RFTN1: variants seen among roughly 807,000 people sequenced by gnomAD.
RFTN1 encodes the protein raftlin, lipid raft linker 1.
A neutral mutation model predicts 46.5 loss-of-function variants in RFTN1; 26 were observed. That is an observed-to-expected ratio of 0.56 (90% CI 0.41 to 0.78). The LOEUF (loss-of-function observed/expected upper bound fraction) is 0.78. RFTN1 is among the 30% of genes least tolerant of loss of function. The pLI is 0.00. For synonymous variants in RFTN1, 261 were observed against 284.2 expected (o/e 0.92, Z 0.82); for missense variants, 693 against 718.7 (o/e 0.96, Z 0.41).
rs1236014870 is a variant in RFTN1 at position 16,358,011 on chromosome 3, A to G, written c.1067T>C (p.Phe356Ser). ...LHGLTDGVFI[F>S]EAVSTEDSKT... ...GCTATCTTCTGTGGAAACAGCTTCA[A>G]AGATGAATACTCCATCTGTCAAGCC... Residue 356 changes from phenylalanine to serine, a missense_variant, in exon 7 of 10, where the codon TTT becomes TCT. Physicochemically the swap from Phe to Ser is radical, Grantham distance 155. Transcript: ENST00000334133. 2 of 1,612,282 alleles carry G rather than the reference A, an allele frequency of 1.2e-6. No homozygotes were observed. Among genetic ancestry groups the G allele is most frequent in the East Asian group, 2.2e-5 (1 of 44,820 alleles).
At chr3:16,391,508 T>A (rs1559317509) in intron 4 of RFTN1, among the ~76,000 whole-genome samples, 1 of 152,230 alleles carries the variant, frequency 6.6e-6, no homozygotes, top group African/African-American at 2.4e-5. Flanking sequence ...CAGAAGGCAA[T>A]GTTTATTTTT....
chr3:16,496,348 T>C (rs2076625977), intron 1 of RFTN1, among the ~76,000 whole-genome samples: 1 of 152,142 alleles, frequency 6.6e-6, no homozygotes, highest in Non-Finnish European at 1.5e-5. Flanking sequence ...AACAAAGGAC[T>C]CACATCCACC....
Position 16,425,860 on chromosome 3 carries a change from G to A in RFTN1, c.332+7991C>T, listed in dbSNP as rs150835957. Among the ~76,000 whole-genome samples, 587 of 152,212 alleles carry A rather than the reference G, an allele frequency of 3.9e-3. 5 individuals carry two copies. Among genetic ancestry groups the A allele is most frequent in the African/African-American group, 0.013 (544 of 41,536 alleles). On this transcript the variant is annotated intron_variant, in intron 3 of 9. Transcript: ENST00000334133. The surrounding 1 kb of genome is among the most constrained non-coding windows in gnomAD (Gnocchi z 4.3). ...TGCTGGACAGCTCCTCAGGGGGTAC[G>A]GTGGCAGCCCGGAGAGCTAATCAAA...
chr3:16,355,127 C>T (rs964691694), intron 7 of RFTN1, among the ~76,000 whole-genome samples: 4 of 152,204 alleles, frequency 2.6e-5, no homozygotes, highest in Admixed American at 2.0e-4. Flanking sequence ...GAGCCCTCAA[C>T]AGAATCACCC....
At chr3:16,487,423 A>G (rs1411239773) in intron 2 of RFTN1, among the ~76,000 whole-genome samples, 1 of 152,258 alleles carries the variant, frequency 6.6e-6, no homozygotes, top group Non-Finnish European at 1.5e-5. Flanking sequence ...GTGTTAAGCT[A>G]TAGAACTTTC....
chr3:16,507,972 A>C lies in RFTN1; in HGVS notation c.-9+5470T>G, dbSNP rs2076838224. On this transcript the variant is annotated intron_variant, in intron 1 of 9. Transcript: ENST00000334133. This position sits in a 1 kb window ranked among gnomAD's most constrained non-coding sequence, Gnocchi z 7.1. ...GGGACATTTCAGGTGTAAACGCCAGAGAAAGTTGTCAGTGAGGTGCATCTG... is the reference window on the plus strand; with the variant it reads ...GGGACATTTCAGGTGTAAACGCCAGCGAAAGTTGTCAGTGAGGTGCATCTG... Among the ~76,000 whole-genome samples the C allele has an allele frequency of 6.6e-6, 1 of 152,222 alleles. No homozygotes were observed. Among genetic ancestry groups the C allele is most frequent in the Non-Finnish European group, 1.5e-5 (1 of 68,038 alleles).
chr3:16,443,664 C>T lies in RFTN1; in HGVS notation c.146-9627G>A, dbSNP rs373782098. 3.3e-5 allele frequency among the ~76,000 whole-genome samples: 5 copies of T among 151,982 alleles called. No homozygotes were observed. Among genetic ancestry groups the T allele is most frequent in the Non-Finnish European group, 5.9e-5 (4 of 68,008 alleles). Reference sequence around the variant, plus strand: ...AATGACTGTTAAAGCATCAGGCTGTCGTGACAATGGGAGCGGGGAAGAGTT... The same window carrying T: ...AATGACTGTTAAAGCATCAGGCTGTTGTGACAATGGGAGCGGGGAAGAGTT... On this transcript the variant is annotated intron_variant, in intron 2 of 9. Transcript: ENST00000334133. This position sits in a 1 kb window ranked among gnomAD's most constrained non-coding sequence, Gnocchi z 5.5.
At chr3:16,432,152 C>T (rs182070016) in intron 3 of RFTN1, among the ~76,000 whole-genome samples, 2 of 152,292 alleles carry the variant, frequency 1.3e-5, no homozygotes, top group African/African-American at 4.8e-5. Flanking sequence ...GTCAGTGTCA[C>T]TCAAAACCAC....
intron 6 of RFTN1, among the ~76,000 whole-genome samples, chr3:16,359,926 A>G (rs2072717626): frequency 6.6e-6 from 1 of 152,164 alleles, no homozygotes; most frequent in Non-Finnish European, 1.5e-5. Context: ...AAAAAGACTG[A>G]CAAATGTGAA....
chr3:16,498,259 T>C lies in RFTN1; in HGVS notation c.-8-4382A>G, dbSNP rs754339971. ...AAGCCTAACTTAGGATGTAAACTTC[T>C]GTAACAAATAGCTGAGTCTTAGCCA... is the stretch of plus-strand genomic sequence containing the variant. On this transcript the variant is annotated intron_variant, in intron 1 of 9. Coordinates refer to ENST00000334133, the MANE Select transcript of RFTN1 (RefSeq NM_015150.2). The surrounding 1 kb of genome is among the most constrained non-coding windows in gnomAD (Gnocchi z 5.2). 1.3e-5 allele frequency among the ~76,000 whole-genome samples: 2 copies of C among 152,236 alleles called. No homozygotes were observed. The highest frequency in any genetic ancestry group is 2.9e-5 in the Non-Finnish European group (2 of 68,038).
At chr3:16,496,884 A>C (rs1041199838) in intron 1 of RFTN1, among the ~76,000 whole-genome samples, 1 of 152,224 alleles carries the variant, frequency 6.6e-6, no homozygotes, top group Non-Finnish European at 1.5e-5. Context: ...ATGAAATATT[A>C]TAAAGCAACG....
chr3:16,386,837 G>T (rs562955265), intron 4 of RFTN1, among the ~76,000 whole-genome samples: 31 of 152,298 alleles, frequency 2.0e-4, no homozygotes, highest in African/African-American at 6.7e-4. Flanking sequence ...TCATGGGAAA[G>T]GTCATAAGAG....
intron 2 of RFTN1, chr3:16,454,780 TCA>T: frequency 1.0e-6 from 1 of 985,398 alleles, no homozygotes; most frequent in Admixed American, 6.1e-5. Context: ...GCACTCACCA[TCA>T]CAGTTTTCTG....
rs568561513 is a variant in RFTN1, at chr3:16,442,412, A to G, written c.146-8375T>C. ...TCCCCGAGCCCTAGCAATCAATAAC[A>G]TGCTTTCACAAAAAAAAACTATTCT... On this transcript the variant is annotated intron_variant, in intron 2 of 9. Transcript: ENST00000334133. The surrounding 1 kb of genome is among the most constrained non-coding windows in gnomAD (Gnocchi z 4.1). Among the ~76,000 whole-genome samples, 147 of 152,186 alleles carry G rather than the reference A, an allele frequency of 9.7e-4. No homozygotes were observed. The highest frequency in any genetic ancestry group is 2.2e-3 in the Admixed American group (34 of 15,294).
chr3:16,321,665 C>G lies in RFTN1; in HGVS notation c.1332+1711G>C, dbSNP rs779719076. ...AGAACAAGTGCTCCACACCAGTCACCTACAGTCTTGGAATGAGGCAGGAAA... is the reference window on the plus strand; with the variant it reads ...AGAACAAGTGCTCCACACCAGTCACGTACAGTCTTGGAATGAGGCAGGAAA... On this transcript the variant is annotated intron_variant, in intron 9 of 9. Transcript: ENST00000334133. The surrounding 1 kb of genome is among the most constrained non-coding windows in gnomAD (Gnocchi z 4.8). Among the ~76,000 whole-genome samples, 1 of 152,058 alleles carries G rather than the reference C, an allele frequency of 6.6e-6. No homozygotes were observed. The highest frequency in any genetic ancestry group is 1.5e-5 in the Non-Finnish European group (1 of 68,000).
Position 16,489,259 on chromosome 3 carries a change from A to C in RFTN1, c.145+4466T>G. 6.6e-6 allele frequency among the ~76,000 whole-genome samples: 1 copy of C among 152,088 alleles called. No individual in the cohort carries two copies. The highest frequency in any genetic ancestry group is 2.1e-4 in the South Asian group (1 of 4,824). On this transcript the variant is annotated intron_variant, in intron 2 of 9. Coordinates refer to ENST00000334133, the MANE Select transcript of RFTN1 (RefSeq NM_015150.2). This position sits in a 1 kb window ranked among gnomAD's most constrained non-coding sequence, Gnocchi z 4.0. ...ATGGCAAAAGCCTGTGTCTACTAAA[A>C]ATAAAAAAATTAGCTGGGCATGGTG... is the stretch of plus-strand genomic sequence containing the variant.
rs1355798182 is a variant in RFTN1 at position 16,446,038 on chromosome 3, C to T, written c.146-12001G>A. ...AGAGTGCCTGGAGAAGGCTCATTAG[C>T]AGCTGTCATTAAATGAAGAAATTCT... On this transcript the variant is annotated intron_variant, in intron 2 of 9. Coordinates refer to ENST00000334133, the MANE Select transcript of RFTN1 (RefSeq NM_015150.2). The surrounding 1 kb of genome is among the most constrained non-coding windows in gnomAD (Gnocchi z 4.5). 6.6e-6 allele frequency among the ~76,000 whole-genome samples: 1 copy of T among 151,924 alleles called. No individual in the cohort carries two copies. The highest frequency in any genetic ancestry group is 1.5e-5 in the Non-Finnish European group (1 of 68,022).
rs1030538598 is a variant in RFTN1 at position 16,446,925 on chromosome 3, A to G, written c.146-12888T>C. 3.9e-5 allele frequency among the ~76,000 whole-genome samples: 6 copies of G among 152,224 alleles called. No individual in the cohort carries two copies. The highest frequency in any genetic ancestry group is 2.1e-4 in the South Asian group (1 of 4,832). On this transcript the variant is annotated intron_variant, in intron 2 of 9. Coordinates refer to ENST00000334133, the MANE Select transcript of RFTN1 (RefSeq NM_015150.2). This position sits in a 1 kb window ranked among gnomAD's most constrained non-coding sequence, Gnocchi z 4.5. Reference sequence around the variant, plus strand: ...AAAAGCTTCTGAATATAGTAATATAAAATGACAAACTATGGAAACTATTGG... The same window carrying G: ...AAAAGCTTCTGAATATAGTAATATAGAATGACAAACTATGGAAACTATTGG...
intron 2 of RFTN1, among the ~76,000 whole-genome samples, chr3:16,490,285 T>C (rs939558403): frequency 6.6e-6 from 1 of 152,184 alleles, no homozygotes; most frequent in African/African-American, 2.4e-5. Context: ...CTAATTCTGA[T>C]AGAATGGTTG....
Sources: allele counts gnomAD v4.1 joint callset (sites outside exome capture counted in the v4.1 genomes callset), GRCh38; gene constraint gnomAD v4.1.1; non-coding constraint Gnocchi (gnomAD v3.1); transcripts MANE v1.5; gene names NCBI Gene and HGNC (gene_info 2026-07-23, HGNC 2026-07-21).